INSR: variants seen among roughly 807,000 people sequenced by gnomAD.
INSR encodes the protein insulin receptor, also known as IR.
INSR carries 67 observed loss-of-function variants against 142.6 expected under a neutral mutation model. The ratio of observed to expected loss-of-function variants is 0.47; its 90% CI spans 0.39 to 0.58. INSR has a LOEUF of 0.58. Ranked by LOEUF, INSR falls within the 20% of genes least tolerant of loss-of-function variation. The pLI is 0.00. For synonymous variants in INSR, 756 were observed against 743.1 expected (o/e 1.02, Z -0.28); for missense variants, 1,248 against 1,833.2 (o/e 0.68, Z 5.83).
chr19:7,234,087 G>A (rs1307989898), intron 2 of INSR, among the ~76,000 whole-genome samples: 3 of 151,850 alleles, frequency 2.0e-5, no homozygotes, highest in Non-Finnish European at 4.4e-5. Context: ...TTTATTTTTA[G>A]TAGAGATGGG....
chr19:7,119,633 C>T lies in INSR; in HGVS notation c.3660-50G>A, dbSNP rs1469308921. 6.2e-6 allele frequency: 10 copies of T among 1,607,430 alleles called. No homozygotes were observed. The highest frequency in any genetic ancestry group is 1.9e-4 in the Middle Eastern group (1 of 5,308). ...AACAAAGAAGCCATTTAGACACACA[C>T]ACACACGCGCGCGCGCAAACACACA... is the stretch of plus-strand genomic sequence containing the variant. On this transcript the variant is annotated intron_variant, in intron 20 of 21. Coordinates refer to ENST00000302850, the MANE Select transcript of INSR (RefSeq NM_000208.4). This position sits in a 1 kb window ranked among gnomAD's most constrained non-coding sequence, Gnocchi z 5.2.
chr19:7,269,038 C>CCCCACA (rs1555690135), intron 1 of INSR, among the ~76,000 whole-genome samples: 1 of 146,852 alleles, frequency 6.8e-6, no homozygotes, highest in Non-Finnish European at 1.5e-5. Context: ...ACCCACACAC[C>CCCCACA]CACACACACA....
At position 7,267,897 on chromosome 19, in the gene INSR, C is replaced by G; in HGVS notation, c.101-1G>C. The stretch of plus-strand genomic sequence containing the variant: ...TTCCGGATATCCATGCCGGGACACA[C>G]TACAAGAGAAAATGAACAGAAAGCA... On this transcript the variant is annotated splice_acceptor_variant, in intron 1 of 21. Transcript: ENST00000302850. LOFTEE classifies it high-confidence loss of function. This position sits in a 1 kb window ranked among gnomAD's most constrained non-coding sequence, Gnocchi z 6.3. 1 of 1,612,830 alleles carries G rather than the reference C, an allele frequency of 6.2e-7. No individual in the cohort carries two copies. The highest frequency in any genetic ancestry group is 1.1e-5 in the South Asian group (1 of 90,796).
At chr19:7,175,750 G>A (rs1212342763) in intron 3 of INSR, among the ~76,000 whole-genome samples, 1 of 151,748 alleles carries the variant, frequency 6.6e-6, no homozygotes, top group East Asian at 1.9e-4. Flanking sequence ...TAGGAGAATC[G>A]CTTGAACCTG....
intron 2 of INSR, among the ~76,000 whole-genome samples, chr19:7,195,959 G>A (rs78162514): frequency 7.1e-6 from 1 of 141,802 alleles, no homozygotes; most frequent in East Asian, 2.1e-4. Context: ...GTTTGAGACG[G>A]AGTTTCGCTC....
intron 2 of INSR, among the ~76,000 whole-genome samples, chr19:7,228,987 A>ATGGG (rs1975868653): frequency 7.1e-6 from 1 of 140,406 alleles, no homozygotes; most frequent in Non-Finnish European, 1.6e-5. Context: ...AGAAGGATGG[A>ATGGG]TGGATGGATG....
At chr19:7,291,457 G>T (rs1000395777) in intron 1 of INSR, among the ~76,000 whole-genome samples, 8 of 152,216 alleles carry the variant, frequency 5.3e-5, no homozygotes, top group African/African-American at 1.9e-4. Context: ...AAGGTATTAT[G>T]CAGAGAATAA....
intron 13 of INSR, among the ~76,000 whole-genome samples, chr19:7,138,603 C>T (rs140487097): frequency 2.6e-5 from 4 of 152,144 alleles, no homozygotes; most frequent in African/African-American, 9.6e-5. Flanking sequence ...AACTCCTGGC[C>T]TCAAGCAATC....
At chr19:7,232,324 G>T (rs1976005044) in intron 2 of INSR, among the ~76,000 whole-genome samples, 1 of 151,962 alleles carries the variant, frequency 6.6e-6, no homozygotes, top group Non-Finnish European at 1.5e-5. Flanking sequence ...CGATTCTCCT[G>T]CCTCAGCCTC....
At chr19:7,243,238 T>TG (rs1203573369) in intron 2 of INSR, among the ~76,000 whole-genome samples, 47 of 108,034 alleles carry the variant, frequency 4.4e-4, no homozygotes, top group Non-Finnish European at 5.7e-4. Flanking sequence ...GTTTTGGTTT[T>TG]TTTTTTTTTT....
intron 2 of INSR, among the ~76,000 whole-genome samples, chr19:7,219,817 G>A (rs1043356630): frequency 3.3e-5 from 5 of 152,098 alleles, no homozygotes; most frequent in Admixed American, 6.6e-5. Context: ...TTTCCTTTTC[G>A]CAGTCCTGCT....
chr19:7,137,229 G>T (rs1264965779), intron 13 of INSR, among the ~76,000 whole-genome samples: 1 of 150,704 alleles, frequency 6.6e-6, no homozygotes, highest in Non-Finnish European at 1.5e-5. Context: ...TGAATATTAT[G>T]GTATGTAAGT....
At position 7,119,694 on chromosome 19, in the gene INSR, CAACACATACATGCA is replaced by C. The variant is rs1972432457; in HGVS notation, c.3660-125_3660-112del. On this transcript the variant is annotated intron_variant, in intron 20 of 21. Coordinates refer to ENST00000302850, the MANE Select transcript of INSR (RefSeq NM_000208.4). The surrounding 1 kb of genome is among the most constrained non-coding windows in gnomAD (Gnocchi z 5.2). ...CACACACACACGCAAACACACATGC[CAACACATACATGCA>C]AACACACACATGCAAACACACACGC... The C allele has an allele frequency of 1.0e-5, 12 of 1,186,738 alleles. No homozygotes were observed. The highest frequency in any genetic ancestry group is 9.9e-5 in the South Asian group (8 of 80,674). The allele number at this position is 1,186,738 out of a possible 1,614,324, so 73.5% of individuals were successfully genotyped here.
At chr19:7,288,950 G>GAA (rs34590794) in intron 1 of INSR, among the ~76,000 whole-genome samples, 2,662 of 88,660 alleles carry the variant, frequency 0.03, 151 homozygotes, top group African/African-American at 0.11. Context: ...GTGAAGAAGT[G>GAA]AAAAAAAAAA....
At chr19:7,274,947 G>A (rs1038183372) in intron 1 of INSR, among the ~76,000 whole-genome samples, 1 of 151,822 alleles carries the variant, frequency 6.6e-6, no homozygotes, top group African/African-American at 2.4e-5. Flanking sequence ...GAAAGAATTC[G>A]AGGGTGAGCT....
At chr19:7,186,613 C>T (rs891201745) in intron 2 of INSR, among the ~76,000 whole-genome samples, 1 of 152,136 alleles carries the variant, frequency 6.6e-6, no homozygotes, top group African/African-American at 2.4e-5. Context: ...TCACCTTAAC[C>T]AAACTGAAAC....
intron 2 of INSR, among the ~76,000 whole-genome samples, chr19:7,201,941 G>A (rs965769515): frequency 5.9e-5 from 9 of 152,084 alleles, no homozygotes; most frequent in Admixed American, 2.0e-4. Flanking sequence ...GATTACAGGC[G>A]TGAGCCACCG....
Position 7,152,864 on chromosome 19 carries a change from T to A in INSR, c.2093A>T (p.Asn698Ile), listed in dbSNP as rs1973410208. Residue 698 changes from asparagine to isoleucine, a missense_variant, in exon 10 of 22, where the codon AAC becomes ATC. Transcript: ENST00000302850. Reference sequence around the variant, plus strand: ...GGCCGAATCCTCATACTCACTCTGGTTGTGCTTCTGAGAATCTTCAGACTC... The same window carrying A: ...GGCCGAATCCTCATACTCACTCTGGATGTGCTTCTGAGAATCTTCAGACTC... Reference protein sequence around the residue: ...PFESEDSQKHNQSEYEDSAGE... With the variant: ...PFESEDSQKHIQSEYEDSAGE... 6.2e-7 allele frequency: 1 copy of A among 1,613,150 alleles called. No homozygotes were observed. Among genetic ancestry groups the A allele is most frequent in the Non-Finnish European group, 8.5e-7 (1 of 1,179,912 alleles).
At chr19:7,128,275 C>T (rs1972693167) in intron 15 of INSR, among the ~76,000 whole-genome samples, 2 of 151,054 alleles carry the variant, frequency 1.3e-5, no homozygotes, top group African/African-American at 4.9e-5. Context: ...TGCAATGGTG[C>T]GATTTCAGCT....
Sources: allele counts gnomAD v4.1 joint callset (sites outside exome capture counted in the v4.1 genomes callset), GRCh38; gene constraint gnomAD v4.1.1; non-coding constraint Gnocchi (gnomAD v3.1); transcripts MANE v1.5; gene names NCBI Gene and HGNC (gene_info 2026-07-23, HGNC 2026-07-21).